The following SMIM10L3 variants were observed in gnomAD, a reference collection of about 807,000 sequenced individuals.
The protein encoded by SMIM10L3 is salivary gland specific protein SAGSIN1.
chr7:6,348,526 CGGG>C, the SMIM10L3 span: 1 of 413,234 alleles, frequency 2.4e-6, no homozygotes, highest in Non-Finnish European at 4.3e-6. Flanking sequence ...GCGGGCGAGG[CGGG>C]CGCTCGGGGA....
At chr7:6,343,787 A>G in the SMIM10L3 span, among the ~76,000 whole-genome samples, 1 of 152,126 alleles carries the variant, frequency 6.6e-6, no homozygotes, top group Non-Finnish European at 1.5e-5. Context: ...CCTACAAACT[A>G]GAGATCTAGG....
the SMIM10L3 span, among the ~76,000 whole-genome samples, chr7:6,340,503 G>T: frequency 2.0e-4 from 31 of 152,192 alleles, no homozygotes; most frequent in Admixed American, 4.6e-4. Context: ...TGCTGCACCT[G>T]GAGTTGGCTG....
the SMIM10L3 span, chr7:6,348,679 C>A: frequency 2.0e-6 from 1 of 491,820 alleles, no homozygotes; most frequent in Admixed American, 3.3e-5. Flanking sequence ...GCGAGTCAGC[C>A]CCTTGCAGAA....
chr7:6,341,199 C>T, the SMIM10L3 span, among the ~76,000 whole-genome samples: 1 of 150,040 alleles, frequency 6.7e-6, no homozygotes, highest in Admixed American at 6.7e-5. Context: ...AATCCCAGCA[C>T]TTTGGGAGGC....
the SMIM10L3 span, among the ~76,000 whole-genome samples, chr7:6,337,108 C>G: frequency 6.8e-6 from 1 of 146,676 alleles, no homozygotes; most frequent in African/African-American, 2.5e-5. Context: ...CTCTCTCTGT[C>G]TCGCCCAGGC....
the SMIM10L3 span, among the ~76,000 whole-genome samples, chr7:6,348,347 C>T: frequency 6.6e-6 from 1 of 152,184 alleles, no homozygotes; most frequent in African/African-American, 2.4e-5. Context: ...AGCTGCGGGA[C>T]CTTCCCCAAG....
At chr7:6,336,705 G>A in the SMIM10L3 span, among the ~76,000 whole-genome samples, 4 of 150,972 alleles carry the variant, frequency 2.6e-5, no homozygotes, top group African/African-American at 9.7e-5. Context: ...AAAAGCTGGA[G>A]TGCAATGGCA....
chr7:6,341,820 A>G, the SMIM10L3 span: 3 of 151,870 alleles, frequency 2.0e-5, no homozygotes, highest in Admixed American at 6.6e-5. Flanking sequence ...CATCACGGTG[A>G]AACTCTGTCT....
At chr7:6,330,903 T>C in the SMIM10L3 span, 3 of 1,614,180 alleles carry the variant, frequency 1.9e-6, no homozygotes, top group South Asian at 1.1e-5. Context: ...CTCTCACATA[T>C]GGAAGCACTG....
At chr7:6,330,948 C>T in the SMIM10L3 span, 176 of 1,614,246 alleles carry the variant, frequency 1.1e-4, no homozygotes, top group Non-Finnish European at 1.3e-4. Context: ...CAGCCCCGCT[C>T]GGATCCTTTC....
At chr7:6,345,733 G>C in the SMIM10L3 span, among the ~76,000 whole-genome samples, 5 of 151,958 alleles carry the variant, frequency 3.3e-5, no homozygotes, top group African/African-American at 1.2e-4. Context: ...TGCCCTCAAA[G>C]TTTCTTTTTT....
the SMIM10L3 span, among the ~76,000 whole-genome samples, chr7:6,340,807 G>A: frequency 6.7e-6 from 1 of 150,172 alleles, no homozygotes; most frequent in Admixed American, 6.7e-5. Context: ...GCTGAGGCAG[G>A]AGAATGGCGT....
chr7:6,346,637 TC>T, the SMIM10L3 span, among the ~76,000 whole-genome samples: 2 of 152,150 alleles, frequency 1.3e-5, no homozygotes, highest in Admixed American at 1.3e-4. Flanking sequence ...CACCTTGGCC[TC>T]CCAAAGTGTT....
At chr7:6,334,123 A>G in the SMIM10L3 span, among the ~76,000 whole-genome samples, 80 of 151,240 alleles carry the variant, frequency 5.3e-4, no homozygotes, top group South Asian at 1.7e-3. Flanking sequence ...TGGGATTACA[A>G]GCGTGAGCCA....
the SMIM10L3 span, among the ~76,000 whole-genome samples, chr7:6,333,723 G>T: frequency 6.6e-6 from 1 of 151,372 alleles, no homozygotes; most frequent in South Asian, 2.1e-4. Context: ...AGTGAGAAAG[G>T]AAAGTGCACT....
the SMIM10L3 span, among the ~76,000 whole-genome samples, chr7:6,343,469 G>A: frequency 7.1e-5 from 9 of 126,060 alleles, no homozygotes; most frequent in African/African-American, 1.2e-4. Flanking sequence ...GAAACACTTC[G>A]TTCTTCCCAC....
At chr7:6,338,966 G>A in the SMIM10L3 span, among the ~76,000 whole-genome samples, 2 of 152,146 alleles carry the variant, frequency 1.3e-5, no homozygotes, top group Non-Finnish European at 2.9e-5. Context: ...ACACCCCTCA[G>A]GTGTGAACGC....
At chr7:6,344,193 A>T in the SMIM10L3 span, among the ~76,000 whole-genome samples, 1 of 151,942 alleles carries the variant, frequency 6.6e-6, no homozygotes, top group Non-Finnish European at 1.5e-5. Context: ...ATTCCTTCAG[A>T]TTCTATTTCC....
the SMIM10L3 span, chr7:6,331,137 C>T: frequency 1.9e-6 from 3 of 1,612,634 alleles, no homozygotes; most frequent in African/African-American, 1.3e-5. Flanking sequence ...TGCCGAGGGG[C>T]CCTCTTCTGT....
Sources: allele counts gnomAD v4.1 joint callset (sites outside exome capture counted in the v4.1 genomes callset), GRCh38; gene constraint gnomAD v4.1.1; transcripts MANE v1.5; gene names NCBI Gene and HGNC (gene_info 2026-07-23, HGNC 2026-07-21).